Variants in PGAP6 observed in about 807,000 individuals in gnomAD.
PGAP6 encodes post-GPI attachment to proteins 6, also known as post-GPI attachment to proteins factor 6.
A neutral mutation model predicts 68.4 loss-of-function variants in PGAP6; 62 were observed. The ratio of observed to expected loss-of-function variants is 0.91; its 90% CI spans 0.74 to 1.12. The LOEUF (loss-of-function observed/expected upper bound fraction) is 1.12, where lower values mean the gene tolerates loss of function less well. Among genes scored for constraint, PGAP6 ranks in the 50% most tolerant of loss-of-function variants. The probability of loss-of-function intolerance (pLI) is 0.00; values close to 1 mark genes in which losing one functional copy is unlikely to be tolerated. For synonymous variants in PGAP6, 575 were observed against 474.0 expected, an observed-to-expected ratio of 1.21 and a Z score of -2.77; for missense variants, 1,188 against 1,068.5, an observed-to-expected ratio of 1.11 and a Z score of -1.56.
At chr16:385,501 T>C (rs139527826), upstream of PGAP6, among the ~76,000 whole-genome samples, 2,978 of 146,606 alleles carry the variant, frequency 0.02, 158 homozygotes, top group African/African-American at 0.072. Flanking sequence ...TTAGTAGAGA[T>C]GGGATTTCAC....
rs1389011183 is a variant in PGAP6 at position 377,641 on chromosome 16, G to A, written c.299+30C>T. The A allele has an allele frequency of 4.4e-6, 7 of 1,573,238 alleles. No individual in the cohort carries two copies. In the South Asian group the frequency reaches 5.8e-5, roughly 13 times the overall value. ...GCACAGGGCTTGGCCAGGCGCGGGAGGGTGGGCAGGCGGGCGGGCAGCCAC... is the reference window on the plus strand; with the variant it reads ...GCACAGGGCTTGGCCAGGCGCGGGAAGGTGGGCAGGCGGGCGGGCAGCCAC... On this transcript the variant is annotated intron_variant, in intron 2 of 12. Transcript: ENST00000431232.
At chr16:386,748 TG>T, upstream of PGAP6, 2 of 432,906 alleles carry the variant, frequency 4.6e-6, no homozygotes, top group Admixed American at 3.3e-5. Flanking sequence ...AAAAAAAAAT[TG>T]GCCTTTTCAC....
chr16:375,994 A>T (rs1360136450), intron 6 of PGAP6, 142 bp downstream of exon 6: 36 of 855,610 alleles, frequency 4.2e-5, no homozygotes, highest in Non-Finnish European at 6.0e-5. Context: ...GAGGCCCCCC[A>T]ACATGGGCCC....
In PGAP6 at chr16:374,311, GT is replaced by G. The variant is rs1483748780; in HGVS notation, c.1664del (p.Asn555ThrfsTer78). 1 of 1,605,676 alleles carries G rather than the reference GT, an allele frequency of 6.2e-7. No individual in the cohort carries two copies. The highest frequency in any genetic ancestry group is 1.3e-5 in the African/African-American group (1 of 74,918). On this transcript the variant is annotated frameshift_variant, in exon 10 of 13. Coordinates refer to ENST00000431232, the MANE Select transcript of PGAP6 (RefSeq NM_021259.3). LOFTEE classifies it high-confidence loss of function. ...RAATLLLTLS[N>X]LMFLAPIAVS... ...CGGCGATGGGGGCCAGGAACATGAG[GT>G]TGCTGAGCGTGAGCAGCAGTGTGGC... is the stretch of plus-strand genomic sequence containing the variant.
At chr16:372,437 C>T (rs1020605174) in intron 12 of PGAP6, 154 bp from the exon 13 acceptor site, 9 of 985,622 alleles carry the variant, frequency 9.1e-6, no homozygotes, top group Non-Finnish European at 1.4e-5. Context: ...CACTGGTCCT[C>T]AGGCCCAGGC....
Position 377,141 on chromosome 16 carries a change from G to A in PGAP6, c.531C>T (p.Tyr177=), listed in dbSNP as rs755896346. Residue 177 remains tyrosine (Y), a synonymous_variant, in exon 4 of 13, where the codon TAC becomes TAT. Transcript: ENST00000431232. ...TGACCAGCAGTTCAGGCTGGAAGAC[G>A]TAGGCACAGGTGGGAGCCAAGCCCT... The part of the protein sequence containing the change: ...ELKGLAPTCA[Y]VFQPELLVTR... 312 of 1,613,490 alleles carry A rather than the reference G, an allele frequency of 1.9e-4. No homozygotes were observed. Among genetic ancestry groups the A allele is most frequent in the Non-Finnish European group, 2.5e-4 (295 of 1,180,024 alleles).
intron 1 of PGAP6, among the ~76,000 whole-genome samples, chr16:379,492 G>A (rs2054420696): frequency 6.6e-6 from 1 of 152,228 alleles, no homozygotes; most frequent in South Asian, 2.1e-4. Context: ...GATAATGTGG[G>A]CAGAGAAAGC....
intron 9 of PGAP6, 67 bp downstream of exon 9, chr16:374,689 A>AGGCAC: frequency 6.3e-7 from 1 of 1,590,502 alleles, no homozygotes; most frequent in Non-Finnish European, 8.6e-7. Context: ...CCCAGGGGAA[A>AGGCAC]GGCACAGCAC....
Position 372,242 on chromosome 16 carries a change from C to A in PGAP6, c.2061G>T (p.Ser687=). ...CGHRRQCYPT[S]WQRWAFYLLP... is the part of the protein sequence containing the mutation. ...GGAGGTAGAAGGCCCAGCGCTGCCA[C>A]GAGGTGGGGTAGCACTGGCGCCGGT... The change falls in exon 13 of 13, where the codon TCG becomes TCT. Residue 687 remains serine, a synonymous_variant. Transcript: ENST00000431232. The A allele has an allele frequency of 6.2e-7, 1 of 1,612,046 alleles. No individual in the cohort carries two copies. Among genetic ancestry groups the A allele is most frequent in the Non-Finnish European group, 8.5e-7 (1 of 1,179,884 alleles).
chr16:382,095 G>T (rs972066177), upstream of PGAP6: 9 of 365,172 alleles, frequency 2.5e-5, no homozygotes, highest in Admixed American at 3.8e-4. Context: ...GCCGGTAGGG[G>T]GGAGGGGTCA....
At position 377,526 on chromosome 16, in the gene PGAP6, T is replaced by C; in HGVS notation, c.359A>G (p.Asp120Gly). ...CTGGAAGGAGGGCTGTACCGCGGTG[T>C]CGTCCGGGAAGCTGGTGCCCAGCGG... ...INPLGTSFPD[D>G]TAVQPSFQVG... Residue 120 changes from aspartate (D) to glycine (G), a missense_variant, in exon 3 of 13, where the codon GAC becomes GGC. Physicochemically the swap from Asp to Gly is moderately conservative, Grantham distance 94. Transcript: ENST00000431232. 6.3e-7 allele frequency: 1 copy of C among 1,594,676 alleles called. No homozygotes were observed. Among genetic ancestry groups the C allele is most frequent in the Non-Finnish European group, 8.5e-7 (1 of 1,171,226 alleles).
intron 11 of PGAP6, among the ~76,000 whole-genome samples, chr16:373,462 C>G (rs1351733093): frequency 6.6e-6 from 1 of 152,246 alleles, no homozygotes; most frequent in Non-Finnish European, 1.5e-5. Flanking sequence ...CACCTTCCTT[C>G]CTGGCATCCT....
Position 376,201 on chromosome 16 carries a change from G to C in PGAP6, c.1159C>G (p.Arg387Gly), listed in dbSNP as rs778586815. 6.2e-7 allele frequency: 1 copy of C among 1,612,524 alleles called. No individual in the cohort carries two copies. Among genetic ancestry groups the C allele is most frequent in the Non-Finnish European group, 8.5e-7 (1 of 1,179,940 alleles). The change falls in exon 6 of 13, where the codon CGG (arginine) becomes GGG (glycine). Residue 387 changes from arginine to glycine, a missense_variant. Coordinates refer to ENST00000431232, the MANE Select transcript of PGAP6 (RefSeq NM_021259.3). ...RVCSDTPSVMRLRLNTGMDSG... is the reference protein window; with the variant it reads ...RVCSDTPSVMGLRLNTGMDSG... ...TCCATGCCGGTGTTCAGGCGCAGCC[G>C]CATCACGGAGGGCGTGTCCGAACAC...
intron 7 of PGAP6, 30 bp downstream of exon 7, chr16:375,315 C>A (rs754665431): frequency 2.5e-6 from 4 of 1,612,714 alleles, no homozygotes; most frequent in Non-Finnish European, 3.4e-6. Context: ...TGGCCGGGGC[C>A]ACGCTGACGG....
At position 377,372 on chromosome 16, in the gene PGAP6, C is replaced by G. The variant is rs781676685; in HGVS notation, c.507+6G>C. 2 of 1,583,456 alleles carry G rather than the reference C, an allele frequency of 1.3e-6. No individual in the cohort carries two copies. The highest frequency in any genetic ancestry group is 1.8e-5 in the Admixed American group (1 of 56,844). ...TGCCTCCATCCCGGAGGGCAGCCCC[C>G]CTCACCTTCAACTCGATCTTCTGGG... On this transcript the variant is annotated splice_donor_region_variant and intron_variant, in intron 3 of 12. Transcript: ENST00000431232.
intron 11 of PGAP6, among the ~76,000 whole-genome samples, chr16:373,038 A>T (rs2054349074): frequency 6.6e-6 from 1 of 152,072 alleles, no homozygotes; most frequent in Non-Finnish European, 1.5e-5. Context: ...CCCCTGTACC[A>T]CTGGGTTTCT....
chr16:371,598 C>T lies in PGAP6; in HGVS notation c.*389G>A, dbSNP rs1347829154. On this transcript the variant is annotated 3_prime_UTR_variant, in exon 13 of 13. Transcript: ENST00000431232. ...CAGTGGTGGGCTCAGGGCTCCTGGG[C>T]GCCATGGGTCTCACCACAGCCTCGC... 3.1e-5 allele frequency: 6 copies of T among 191,806 alleles called. No homozygotes were observed. The highest frequency in any genetic ancestry group is 2.3e-4 in the Admixed American group (4 of 17,762). The allele number at this position is 191,806 out of a possible 1,614,324, so 11.9% of individuals were successfully genotyped here. A position where few individuals can be genotyped will look rare whatever the true frequency, so the allele number is the denominator to read the frequency against.
In PGAP6 at chr16:374,079, C is replaced by A. The variant is rs755472720; in HGVS notation, c.1828G>T (p.Asp610Tyr). ...ATGGCCGCCCCGGAGCCCAAGAAGTCGCAGTACTGCAGCGTGTCGTAGCTG... is the reference window on the plus strand; with the variant it reads ...ATGGCCGCCCCGGAGCCCAAGAAGTAGCAGTACTGCAGCGTGTCGTAGCTG... ...ILSYDTLQYC[D>Y]FLGSGAAIWV... Residue 610 changes from aspartate (D) to tyrosine (Y), a missense_variant, in exon 11 of 13, where the codon GAC becomes TAC. By Grantham distance (160) the Asp-to-Tyr change is radical. Coordinates refer to ENST00000431232, the MANE Select transcript of PGAP6 (RefSeq NM_021259.3). The A allele has an allele frequency of 6.2e-7, 1 of 1,612,052 alleles. No individual in the cohort carries two copies. Among genetic ancestry groups the A allele is most frequent in the Non-Finnish European group, 8.5e-7 (1 of 1,179,952 alleles).
intron 9 of PGAP6, 150 bp from the exon 10 acceptor site, chr16:374,549 A>G: frequency 2.7e-6 from 3 of 1,122,640 alleles, no homozygotes; most frequent in Non-Finnish European, 3.7e-6. Context: ...AGGAGGCAGT[A>G]CCACCCCCCG....
Sources: gnomAD v4.1 joint callset for allele counts (sites outside exome capture counted in the v4.1 genomes callset) on GRCh38, gnomAD v4.1.1 for gene constraint, MANE v1.5 for transcripts, NCBI Gene and HGNC (gene_info 2026-07-23, HGNC 2026-07-21) for gene names.